The following SLC4A8 variants were observed in gnomAD, a reference collection of about 807,000 sequenced individuals.
The protein encoded by SLC4A8 is electroneutral sodium bicarbonate exchanger 1.
SLC4A8 carries 40 observed loss-of-function variants against 125.0 expected under a neutral mutation model. The observed-to-expected ratio is 0.32, with a 90% CI of 0.25 to 0.42. The LOEUF (loss-of-function observed/expected upper bound fraction) is 0.42. SLC4A8 is among the 10% of genes least tolerant of loss of function. SLC4A8 has a pLI of 1.00. For missense variants in SLC4A8, 863 were observed against 1,355.1 expected (o/e 0.64, Z 5.70); for synonymous variants, 456 against 476.0 (o/e 0.96, Z 0.55).
In SLC4A8 at chr12:51,450,921, A is replaced by G. The variant is rs1949944248; in HGVS notation, c.176A>G (p.Gln59Arg). Reference sequence around the variant, plus strand: ...GGAGTTCGGATGCCGCTTGGCCGGCAGAGCCATCGGCATCACCGCACTCAT... The same window carrying G: ...GGAGTTCGGATGCCGCTTGGCCGGCGGAGCCATCGGCATCACCGCACTCAT... ...YVGVRMPLGR[Q>R]SHRHHRTHGQ... The change falls in exon 3 of 25, where the codon CAG becomes CGG. Residue 59 changes from glutamine (Q) to arginine (R), a missense_variant. Coordinates refer to ENST00000453097, the MANE Select transcript of SLC4A8 (RefSeq NM_001039960.3). 6.2e-7 allele frequency: 1 copy of G among 1,611,906 alleles called. No individual in the cohort carries two copies.
upstream of SLC4A8, among the ~76,000 whole-genome samples, chr12:51,421,450 G>T (rs1948787970): frequency 6.6e-6 from 1 of 152,324 alleles, no homozygotes; most frequent in African/African-American, 2.4e-5. Context: ...TGCACAATAG[G>T]CCAGAAGATG....
At chr12:51,449,509 A>G (rs976690608) in intron 2 of SLC4A8, among the ~76,000 whole-genome samples, 1 of 151,884 alleles carries the variant, frequency 6.6e-6, no homozygotes, top group African/African-American at 2.4e-5. Flanking sequence ...GGATTTGAAG[A>G]CAGTGGCTAA....
intron 5 of SLC4A8, 116 bp from the exon 6 acceptor site, chr12:51,457,235 C>T (rs774061254): frequency 2.8e-6 from 2 of 702,312 alleles, no homozygotes; most frequent in Non-Finnish European, 4.7e-6. Flanking sequence ...ACCTCAATGA[C>T]CCTAGTGGAG....
At chr12:51,504,215 C>A (rs1938067122) in intron 23 of SLC4A8, 95 bp downstream of exon 23, 1 of 745,784 alleles carries the variant, frequency 1.3e-6, no homozygotes, top group East Asian at 2.7e-5. Flanking sequence ...CAGCTGCTGG[C>A]ATAAAGAGCT....
chr12:51,463,591 A>G, intron 10 of SLC4A8, 23 bp from the exon 11 acceptor site: 1 of 1,558,366 alleles, frequency 6.4e-7, no homozygotes, highest in South Asian at 1.1e-5. Context: ...ACCTTTACTA[A>G]TTTTGTGGTC....
intron 1 of SLC4A8, among the ~76,000 whole-genome samples, chr12:51,407,246 A>G (rs762846171): frequency 3.9e-5 from 6 of 152,122 alleles, no homozygotes; most frequent in South Asian, 2.1e-4. Context: ...AAATTTCAAT[A>G]TAAATTGCTT....
intron 2 of SLC4A8, among the ~76,000 whole-genome samples, chr12:51,443,416 C>CT (rs1283673079): frequency 3.3e-5 from 5 of 151,172 alleles, no homozygotes; most frequent in Non-Finnish European, 5.9e-5. Flanking sequence ...CATTATGTTG[C>CT]TTTTTTTTTA....
At chr12:51,461,389 T>C (rs776116405) in intron 9 of SLC4A8, 98 bp downstream of exon 9, 2 of 743,288 alleles carry the variant, frequency 2.7e-6, no homozygotes, top group Non-Finnish European at 4.7e-6. Context: ...ATAAAATACT[T>C]TCCATTGCAA....
chr12:51,467,612 C>A lies in SLC4A8; in HGVS notation c.1350-2002C>A, dbSNP rs754136462. On this transcript the variant is annotated intron_variant, in intron 11 of 24. Coordinates refer to ENST00000453097, the MANE Select transcript of SLC4A8 (RefSeq NM_001039960.3). Reference sequence around the variant, plus strand: ...AGGAAAGAAAGAGCTTGCCAAGCCTCCTTCCGTGAGAGAGTAGCTTGTGTG... The same window carrying A: ...AGGAAAGAAAGAGCTTGCCAAGCCTACTTCCGTGAGAGAGTAGCTTGTGTG... Among the ~76,000 whole-genome samples, 117 of 152,256 alleles carry A rather than the reference C, an allele frequency of 7.7e-4. 3 individuals are homozygous for A. Among genetic ancestry groups the A allele is most frequent in the Non-Finnish European group, 1.3e-4 (9 of 68,012 alleles).
intron 19 of SLC4A8, among the ~76,000 whole-genome samples, chr12:51,490,679 T>C (rs1339862719): frequency 1.3e-5 from 2 of 150,650 alleles, no homozygotes; most frequent in African/African-American, 4.9e-5. Flanking sequence ...AAGAGTGATA[T>C]GTGTTCTACG....
chr12:51,430,467 A>G (rs1470605679), intron 1 of SLC4A8, among the ~76,000 whole-genome samples: 1 of 152,094 alleles, frequency 6.6e-6, no homozygotes, highest in African/African-American at 2.4e-5. Flanking sequence ...TTCTCCTCTC[A>G]CTACATTGCA....
rs1020790921 is a variant in SLC4A8, at chr12:51,509,365, A to T, written c.*1927A>T. On this transcript the variant is annotated 3_prime_UTR_variant, in exon 25 of 25. Transcript: ENST00000453097. ...CTTCACATTTTAGCACTTTAGGATA[A>T]CTGTAGTAATTGTACTCATTTACCT... 1 of 152,240 alleles carries T rather than the reference A, an allele frequency of 6.6e-6. No individual in the cohort carries two copies. Among genetic ancestry groups the T allele is most frequent in the Non-Finnish European group, 1.5e-5 (1 of 68,046 alleles). 9.4% of individuals were successfully genotyped at this position (152,240 alleles called of 1,614,324 possible).
chr12:51,503,396 A>G (rs1427905838), intron 22 of SLC4A8, among the ~76,000 whole-genome samples: 1 of 146,156 alleles, frequency 6.8e-6, no homozygotes, highest in East Asian at 2.1e-4. Flanking sequence ...TATTTTTAGT[A>G]GGAACGAGGT....
intron 19 of SLC4A8, among the ~76,000 whole-genome samples, chr12:51,492,955 C>A (rs1451658012): frequency 6.6e-6 from 1 of 151,486 alleles, no homozygotes; most frequent in East Asian, 2.0e-4. Context: ...GTTTTCTGTT[C>A]ATGTGTTAGT....
At chr12:51,503,089 A>G (rs1390624078) in intron 22 of SLC4A8, among the ~76,000 whole-genome samples, 53 of 151,048 alleles carry the variant, frequency 3.5e-4, no homozygotes, top group Non-Finnish European at 6.5e-4. Flanking sequence ...TGATCCGCCC[A>G]CCTCAGCCTC....
At chr12:51,475,404 A>G (rs1950829370) in intron 16 of SLC4A8, among the ~76,000 whole-genome samples, 198 bp downstream of exon 16, 1 of 152,214 alleles carries the variant, frequency 6.6e-6, no homozygotes, top group Non-Finnish European at 1.5e-5. Flanking sequence ...GTTAATACTT[A>G]AAACCTTTTT....
intron 22 of SLC4A8, among the ~76,000 whole-genome samples, chr12:51,498,748 G>T (rs1013574779): frequency 3.1e-3 from 1 of 324 alleles, no homozygotes; most frequent in Non-Finnish European, 4.7e-3. Flanking sequence ...GGGCGTGGTG[G>T]CAGGCGCCTA....
chr12:51,416,213 T>TTTTA (rs1406946340), intron 1 of SLC4A8, among the ~76,000 whole-genome samples: 1 of 143,346 alleles, frequency 7.0e-6, no homozygotes. Context: ...GGTCTTTTGT[T>TTTTA]TTTTTTTTTT....
chr12:51,417,149 C>A (rs929340021), intron 1 of SLC4A8, among the ~76,000 whole-genome samples: 18 of 152,110 alleles, frequency 1.2e-4, no homozygotes, highest in African/African-American at 3.9e-4. Context: ...ACATTACCAT[C>A]ATCACACATG....
Sources: gnomAD v4.1 joint callset for allele counts (sites outside exome capture counted in the v4.1 genomes callset) on GRCh38, gnomAD v4.1.1 for gene constraint, MANE v1.5 for transcripts, NCBI Gene and HGNC (gene_info 2026-07-23, HGNC 2026-07-21) for gene names.